The following RABGEF1 variants were observed in gnomAD, a reference collection of about 807,000 sequenced individuals.
RABGEF1 encodes the protein RAB guanine nucleotide exchange factor 1.
In RABGEF1, 26 loss-of-function variants were observed where a neutral mutation model predicts 57.3. The observed-to-expected ratio is 0.45, with a 90% CI of 0.33 to 0.63. The LOEUF (loss-of-function observed/expected upper bound fraction) is 0.63, where lower values mean the gene tolerates loss of function less well. Among genes scored for constraint, RABGEF1 ranks in the 20% least tolerant of loss-of-function variants. The probability of loss-of-function intolerance (pLI) is 0.02; values close to 1 mark genes in which losing one functional copy is unlikely to be tolerated. For missense variants in RABGEF1, 464 were observed against 607.6 expected, an observed-to-expected ratio of 0.76 and a Z score of 2.48; for synonymous variants, 185 against 210.7, an observed-to-expected ratio of 0.88 and a Z score of 1.06.
the RABGEF1 span, among the ~76,000 whole-genome samples, chr7:66,670,546 A>T: frequency 6.1e-4 from 90 of 148,698 alleles, 1 homozygote; most frequent in South Asian, 0.012. Flanking sequence ...ATAGATATTT[A>T]AACAATTTTT....
At chr7:66,716,366 G>A (rs1329517162) in intron 2 of RABGEF1, among the ~76,000 whole-genome samples, 5 of 152,158 alleles carry the variant, frequency 3.3e-5, no homozygotes, top group Admixed American at 3.3e-4. Flanking sequence ...TTGGGAGGCC[G>A]AGGCAAGCAG....
Position 66,810,628 on chromosome 7 carries a change from C to G in RABGEF1, c.*1344C>G, listed in dbSNP as rs191714111. ...GAACCTTTTCTTATCTCAGTGGAACCTTCTATAACCTAAATATACCATTGA... is the reference window on the plus strand; with the variant it reads ...GAACCTTTTCTTATCTCAGTGGAACGTTCTATAACCTAAATATACCATTGA... On this transcript the variant is annotated 3_prime_UTR_variant, in exon 9 of 9. Coordinates refer to ENST00000284957, the MANE Select transcript of RABGEF1 (RefSeq NM_014504.3). 6.6e-5 allele frequency: 10 copies of G among 152,304 alleles called. No homozygotes were observed. The highest frequency in any genetic ancestry group is 5.2e-4 in the Admixed American group (8 of 15,298). 9.4% of individuals were successfully genotyped at this position (152,304 alleles called of 1,614,324 possible).
At chr7:66,737,414 T>A (rs1585044361), upstream of RABGEF1, among the ~76,000 whole-genome samples, 1 of 150,646 alleles carries the variant, frequency 6.6e-6, no homozygotes, top group Admixed American at 6.6e-5. Context: ...CCACCACACC[T>A]GGCTATCCTA....
intron 1 of RABGEF1, among the ~76,000 whole-genome samples, chr7:66,694,482 C>T (rs1428543340): frequency 6.6e-6 from 1 of 152,202 alleles, no homozygotes; most frequent in African/African-American, 2.4e-5. Flanking sequence ...ACAGAGGGCC[C>T]GGCGGGGCCT....
chr7:66,697,291 C>T (rs749908268), intron 1 of RABGEF1, among the ~76,000 whole-genome samples: 9 of 152,224 alleles, frequency 5.9e-5, no homozygotes, highest in Non-Finnish European at 1.2e-4. Flanking sequence ...GCCTCAGCCT[C>T]CATGTGCTGT....
At chr7:66,722,278 A>T (rs1796137573) in intron 2 of RABGEF1, among the ~76,000 whole-genome samples, 1 of 152,162 alleles carries the variant, frequency 6.6e-6, no homozygotes, top group South Asian at 2.1e-4. Flanking sequence ...CACCTTTACT[A>T]AAAATACAAA....
intron 4 of RABGEF1, among the ~76,000 whole-genome samples, chr7:66,787,263 A>T (rs1313644731): frequency 4.8e-5 from 7 of 146,544 alleles, no homozygotes; most frequent in Non-Finnish European, 8.9e-5. Context: ...TGAACTCCTG[A>T]CCTCAAGTGG....
intron 1 of RABGEF1, among the ~76,000 whole-genome samples, chr7:66,692,727 A>G (rs1371462370): frequency 6.9e-6 from 1 of 145,032 alleles, no homozygotes; most frequent in Non-Finnish European, 1.5e-5. Flanking sequence ...TCTGCAGCCA[A>G]GCACTGATGT....
intron 1 of RABGEF1, among the ~76,000 whole-genome samples, chr7:66,693,535 C>T (rs937843252): frequency 1.3e-5 from 2 of 152,142 alleles, no homozygotes; most frequent in Non-Finnish European, 2.9e-5. Flanking sequence ...CCTCCCCTCC[C>T]TCGGCTGCCA....
intron 1 of RABGEF1, among the ~76,000 whole-genome samples, chr7:66,700,863 G>A (rs1793141999): frequency 6.6e-6 from 1 of 152,156 alleles, no homozygotes; most frequent in South Asian, 2.1e-4. Flanking sequence ...AGTGGGATGC[G>A]GGCTGCTGGC....
intron 1 of RABGEF1, among the ~76,000 whole-genome samples, chr7:66,691,786 G>A (rs1196571110): frequency 6.6e-6 from 1 of 152,122 alleles, no homozygotes; most frequent in African/African-American, 2.4e-5. Flanking sequence ...TGGCACCGTG[G>A]CTCACACCTG....
chr7:66,756,226 G>A (rs1237776964), intron 1 of RABGEF1: 6 of 530,320 alleles, frequency 1.1e-5, no homozygotes, highest in East Asian at 6.4e-5. Flanking sequence ...GGAAATGCAC[G>A]TTAAATGATT....
chr7:66,783,172 G>A (rs1293101447), intron 3 of RABGEF1, among the ~76,000 whole-genome samples: 1 of 152,180 alleles, frequency 6.6e-6, no homozygotes, highest in Non-Finnish European at 1.5e-5. Flanking sequence ...CAACGAAATG[G>A]TGGGTAAATA....
At chr7:66,674,553 C>G in the RABGEF1 span, among the ~76,000 whole-genome samples, 3 of 151,854 alleles carry the variant, frequency 2.0e-5, no homozygotes, top group Non-Finnish European at 4.4e-5. Flanking sequence ...GGAAACAACC[C>G]GAATGTCCAT....
In RABGEF1 at chr7:66,730,558, T is replaced by A. The variant is rs1282116890; in HGVS notation, c.-814-9438T>A. Among the ~76,000 whole-genome samples, 7 of 127,060 alleles carry A rather than the reference T, an allele frequency of 5.5e-5. No individual in the cohort carries two copies. The Admixed American group carries it at 5.8e-4, about 10-fold the overall frequency. The allele number at this position is 127,060 out of a possible 152,430, so 83.4% of individuals were successfully genotyped here. On this transcript the variant is annotated intron_variant and NMD_transcript_variant, in intron 2 of 9. Coordinates refer to the RABGEF1 transcript ENST00000607882. Reference sequence around the variant, plus strand: ...ACATATAGCACTTGGTTTCTTTTTCTTTTTTTTTTTTTTTTTTGGTGGCAG... The same window carrying A: ...ACATATAGCACTTGGTTTCTTTTTCATTTTTTTTTTTTTTTTTGGTGGCAG...
At chr7:66,722,768 T>C (rs558850320) in intron 2 of RABGEF1, among the ~76,000 whole-genome samples, 1 of 152,348 alleles carries the variant, frequency 6.6e-6, no homozygotes, top group African/African-American at 2.4e-5. Context: ...CAAGATTGTT[T>C]TGTAATTCTG....
the RABGEF1 span, among the ~76,000 whole-genome samples, chr7:66,656,751 CAG>C: frequency 7.0e-6 from 1 of 143,460 alleles, no homozygotes; most frequent in Non-Finnish European, 1.5e-5. Flanking sequence ...ACCCGAGAGA[CAG>C]AGGTTGTGGG....
chr7:66,752,717 T>C (rs776774409), intron 1 of RABGEF1, among the ~76,000 whole-genome samples: 1 of 152,206 alleles, frequency 6.6e-6, no homozygotes, highest in Non-Finnish European at 1.5e-5. Context: ...CCCAGGCCAG[T>C]TGAATCAGAA....
intron 5 of RABGEF1, 101 bp from the exon 6 acceptor site, chr7:66,797,273 C>T: frequency 1.6e-6 from 2 of 1,280,744 alleles, no homozygotes; most frequent in Non-Finnish European, 2.1e-6. Flanking sequence ...TGCTGCACTC[C>T]AACCTGGGCG....
Sources: allele counts gnomAD v4.1 joint callset (sites outside exome capture counted in the v4.1 genomes callset), GRCh38; gene constraint gnomAD v4.1.1; transcripts MANE v1.5; gene names NCBI Gene and HGNC (gene_info 2026-07-23, HGNC 2026-07-21).